PTPRD: variants seen among roughly 807,000 people sequenced by gnomAD.
PTPRD encodes the protein protein tyrosine phosphatase receptor type D.
PTPRD carries 34 observed loss-of-function variants against 214.5 expected under a neutral mutation model. That is an observed-to-expected ratio of 0.16 (90% CI 0.12 to 0.21). The LOEUF is 0.21. Among genes scored for constraint, PTPRD ranks in the 10% least tolerant of loss-of-function variants. PTPRD has a pLI of 1.00. For synonymous variants in PTPRD, 1,128 were observed against 845.7 expected (o/e 1.33, Z -5.79); for missense variants, 2,545 against 2,398.7 (o/e 1.06, Z -1.27).
intron 3 of PTPRD, among the ~76,000 whole-genome samples, chr9:10,151,822 A>G (rs2099063108): frequency 6.6e-6 from 1 of 152,172 alleles, no homozygotes; most frequent in African/African-American, 2.4e-5. Context: ...TACTTCTTCC[A>G]GAATCCTACA....
chr9:9,949,481 C>G (rs1324078001), intron 4 of PTPRD, among the ~76,000 whole-genome samples: 1 of 151,326 alleles, frequency 6.6e-6, no homozygotes, highest in East Asian at 2.0e-4. Context: ...CTTCCTCCAT[C>G]TTCATGTGGA....
At chr9:9,636,198 CT>C (rs2095761014) in intron 7 of PTPRD, among the ~76,000 whole-genome samples, 1 of 152,180 alleles carries the variant, frequency 6.6e-6, no homozygotes, top group Non-Finnish European at 1.5e-5. Context: ...TACTTATTAA[CT>C]TTCATTTCTC....
At chr9:10,381,881 A>G (rs1211214392) in intron 2 of PTPRD, among the ~76,000 whole-genome samples, 1 of 151,932 alleles carries the variant, frequency 6.6e-6, no homozygotes, top group African/African-American at 2.4e-5. Flanking sequence ...CAGTTTTCCC[A>G]ATGTAAAAAG....
chr9:9,114,052 C>T (rs2099809742), intron 10 of PTPRD, among the ~76,000 whole-genome samples: 1 of 152,094 alleles, frequency 6.6e-6, no homozygotes, highest in Non-Finnish European at 1.5e-5. Flanking sequence ...TGGTGAGAAT[C>T]ACTATAAGAG....
At chr9:8,660,387 G>A (rs1018813837) in intron 12 of PTPRD, among the ~76,000 whole-genome samples, 1 of 152,098 alleles carries the variant, frequency 6.6e-6, no homozygotes, top group African/African-American at 2.4e-5. Flanking sequence ...AGTGCTTTGA[G>A]GGTTAAGCCC....
chr9:10,293,322 T>C (rs1453310693), intron 3 of PTPRD, among the ~76,000 whole-genome samples: 1 of 151,972 alleles, frequency 6.6e-6, no homozygotes, highest in Non-Finnish European at 1.5e-5. Context: ...CTTAGACTAA[T>C]ATGCAGTTTT....
chr9:8,803,866 G>C (rs1360441446), intron 11 of PTPRD, among the ~76,000 whole-genome samples: 1 of 151,928 alleles, frequency 6.6e-6, no homozygotes, highest in Non-Finnish European at 1.5e-5. Flanking sequence ...CTATTTATTG[G>C]TAAACAATAT....
intron 10 of PTPRD, among the ~76,000 whole-genome samples, chr9:9,030,913 A>G (rs1032445140): frequency 2.0e-5 from 3 of 151,844 alleles, no homozygotes; most frequent in African/African-American, 7.3e-5. Flanking sequence ...GTTCTTATTC[A>G]TATGTAGTGG....
At chr9:8,535,778 A>T (rs749372475) in intron 14 of PTPRD, among the ~76,000 whole-genome samples, 4 of 151,948 alleles carry the variant, frequency 2.6e-5, no homozygotes, top group Non-Finnish European at 5.9e-5. Context: ...GGGGAAAATG[A>T]TATAAATCAA....
chr9:9,531,714 C>A (rs532364322), intron 8 of PTPRD, among the ~76,000 whole-genome samples: 1 of 152,116 alleles, frequency 6.6e-6, no homozygotes, highest in African/African-American at 2.4e-5. Context: ...GAAAATAGTG[C>A]TGCAATGAAT....
intron 7 of PTPRD, among the ~76,000 whole-genome samples, chr9:9,661,924 T>G (rs967962819): frequency 4.0e-5 from 6 of 151,736 alleles, no homozygotes; most frequent in Non-Finnish European, 7.4e-5. Flanking sequence ...AACAGTGAAT[T>G]TAATCATCTG....
chr9:10,029,989 A>C (rs1250266887), intron 4 of PTPRD, among the ~76,000 whole-genome samples: 1 of 152,166 alleles, frequency 6.6e-6, no homozygotes, highest in Non-Finnish European at 1.5e-5. Flanking sequence ...ATAGTAAATA[A>C]GTCTCATAAG....
intron 7 of PTPRD, among the ~76,000 whole-genome samples, chr9:9,693,541 T>C (rs1182680148): frequency 1.3e-5 from 2 of 152,144 alleles, no homozygotes; most frequent in African/African-American, 4.8e-5. Context: ...CGTGTGAAAA[T>C]GGACTAATAC....
rs1324661959 is a variant in PTPRD at position 8,767,082 on chromosome 9, G to A, written c.-103-33136C>T. On this transcript the variant is annotated intron_variant, in intron 11 of 45. Coordinates refer to ENST00000381196, the MANE Select transcript of PTPRD (RefSeq NM_002839.4). ...TCAAACAAAACCAAAATGAAGAACC[G>A]CATATGTAAGAGATTTAGATAAAAT... is the stretch of plus-strand genomic sequence containing the variant. Among the ~76,000 whole-genome samples the A allele has an allele frequency of 1.4e-4, 22 of 152,114 alleles. No individual in the cohort carries two copies. In the East Asian group the frequency reaches 1.5e-3, roughly 11 times the overall value.
At chr9:9,784,814 C>T (rs1448137422) in intron 5 of PTPRD, among the ~76,000 whole-genome samples, 4 of 150,226 alleles carry the variant, frequency 2.7e-5, no homozygotes, top group Non-Finnish European at 5.9e-5. Context: ...TATCATAAAA[C>T]ATATATTAGA....
At chr9:8,397,785 T>C (rs919139607) in intron 36 of PTPRD, among the ~76,000 whole-genome samples, 7 of 152,192 alleles carry the variant, frequency 4.6e-5, no homozygotes, top group African/African-American at 1.7e-4. Flanking sequence ...GGTGATTCCA[T>C]GTGAGCAGCT....
At chr9:9,924,516 G>A (rs758726442) in intron 5 of PTPRD, among the ~76,000 whole-genome samples, 1 of 151,970 alleles carries the variant, frequency 6.6e-6, no homozygotes, top group Admixed American at 6.6e-5. Context: ...AAGCCCTAAA[G>A]TCATTTCAAC....
intron 3 of PTPRD, among the ~76,000 whole-genome samples, chr9:10,297,376 T>G (rs1279373954): frequency 1.3e-5 from 2 of 151,902 alleles, no homozygotes; most frequent in Non-Finnish European, 2.9e-5. Context: ...GCACACCAAG[T>G]GTGGGAGGCA....
intron 12 of PTPRD, among the ~76,000 whole-genome samples, chr9:8,725,359 C>T (rs1184640476): frequency 6.6e-6 from 1 of 152,092 alleles, no homozygotes. Context: ...GCTTTTAATC[C>T]ACATTTTATC....
Sources: allele counts gnomAD v4.1 joint callset (sites outside exome capture counted in the v4.1 genomes callset), GRCh38; gene constraint gnomAD v4.1.1; transcripts MANE v1.5; gene names NCBI Gene and HGNC (gene_info 2026-07-23, HGNC 2026-07-21).